FBXO2: variants seen among roughly 807,000 people sequenced by gnomAD.
FBXO2 encodes the protein F-box only protein 2.
Under a neutral mutation model 38.6 loss-of-function variants are expected in FBXO2, and 32 were observed. The observed-to-expected ratio is 0.83, with a 90% CI of 0.62 to 1.11. The LOEUF is 1.11. FBXO2 is among the 50% of genes most tolerant of loss of function. The probability of loss-of-function intolerance (pLI) is 0.00; values close to 1 mark genes in which losing one functional copy is unlikely to be tolerated. For missense variants in FBXO2, 450 were observed against 418.3 expected, an observed-to-expected ratio of 1.08 and a Z score of -0.66; for synonymous variants, 189 against 182.9, an observed-to-expected ratio of 1.03 and a Z score of -0.27.
chr1:11,650,468 TC>T lies in FBXO2; in HGVS notation c.388del (p.Glu130LysfsTer74). ...RRNLLRNPCG[E>X]EDLEGWCDVE... ...CTCGCCCAGCGAGGGCCTCTCACCT[TC>T]CCCACACGGGTTACGCAGAAGGTTG... is the stretch of plus-strand genomic sequence containing the variant. On this transcript the variant is annotated frameshift_variant, in exon 2 of 6. Coordinates refer to ENST00000354287, the MANE Select transcript of FBXO2 (RefSeq NM_012168.6). LOFTEE classifies it high-confidence loss of function. 6.2e-7 allele frequency: 1 copy of T among 1,608,772 alleles called. No individual in the cohort carries two copies.
chr1:11,651,668 A>G (rs1639521930), intron 1 of FBXO2, among the ~76,000 whole-genome samples: 1 of 151,498 alleles, frequency 6.6e-6, no homozygotes, highest in South Asian at 2.1e-4. Flanking sequence ...TCCACAGAAT[A>G]ATTCACTGAA....
At chr1:11,650,909 C>T (rs1169696792) in intron 1 of FBXO2, 75 bp from the exon 2 acceptor site, 2 of 1,500,160 alleles carry the variant, frequency 1.3e-6, no homozygotes, top group Non-Finnish European at 1.8e-6. Flanking sequence ...TGCAATGTGC[C>T]CGTAACCTCC....
At chr1:11,654,297 G>C in intron 1 of FBXO2, 22 bp downstream of exon 1, 1 of 1,490,196 alleles carries the variant, frequency 6.7e-7, no homozygotes, top group South Asian at 1.3e-5. Context: ...CCGCCGCAGC[G>C]AGCGGTCCAG....
rs1205995153 is a variant in FBXO2 at position 11,650,150 on chromosome 1, G to T, written c.392-76C>A. ...GGCTCTTGCCACTATGTGGTGGGGG[G>T]CAGGGCAAAGGTCGCACTTGGTGTC... On this transcript the variant is annotated intron_variant, in intron 2 of 5. Coordinates refer to ENST00000354287, the MANE Select transcript of FBXO2 (RefSeq NM_012168.6). 3 of 1,584,954 alleles carry T rather than the reference G, an allele frequency of 1.9e-6. No individual in the cohort carries two copies. The Admixed American group carries it at 5.2e-5, about 27-fold the overall frequency.
chr1:11,648,455 A>C lies in FBXO2; in HGVS notation c.*239T>G, dbSNP rs1639452680. The C allele has an allele frequency of 1.8e-6, 1 of 566,414 alleles. No individual in the cohort carries two copies. The highest frequency in any genetic ancestry group is 3.0e-5 in the Admixed American group (1 of 33,028). 35.1% of individuals were successfully genotyped at this position (566,414 alleles called of 1,614,324 possible). On this transcript the variant is annotated 3_prime_UTR_variant, in exon 6 of 6. Coordinates refer to ENST00000354287, the MANE Select transcript of FBXO2 (RefSeq NM_012168.6). The surrounding 1 kb of genome is among the most constrained non-coding windows in gnomAD (Gnocchi z 4.2). ...AGCACTGTGCTAGGTGCAGGGAATCAGCAGTGGGTCCAGTCCAAGCTCACG... is the reference window on the plus strand; with the variant it reads ...AGCACTGTGCTAGGTGCAGGGAATCCGCAGTGGGTCCAGTCCAAGCTCACG...
chr1:11,648,786 C>G lies in FBXO2; in HGVS notation c.799G>C (p.Val267Leu), dbSNP rs1191924604. 2 of 1,613,636 alleles carry G rather than the reference C, an allele frequency of 1.2e-6. No homozygotes were observed. Among genetic ancestry groups the G allele is most frequent in the African/African-American group, 1.3e-5 (1 of 74,942 alleles). ...FTDYGPGVRF[V>L]RFEHGGQDSV... ...TCCTGCCCCCCGTGCTCGAAGCGGACGAAGCGGACGCCCGGCCCGTAGTCG... is the reference window on the plus strand; with the variant it reads ...TCCTGCCCCCCGTGCTCGAAGCGGAGGAAGCGGACGCCCGGCCCGTAGTCG... Residue 267 changes from valine to leucine, a missense_variant, in exon 6 of 6, where the codon GTC becomes CTC. By Grantham distance (32) the Val-to-Leu change is conservative. Coordinates refer to ENST00000354287, the MANE Select transcript of FBXO2 (RefSeq NM_012168.6). This position sits in a 1 kb window ranked among gnomAD's most constrained non-coding sequence, Gnocchi z 4.2.
rs768701836 is a variant in FBXO2, at chr1:11,648,841, G to T, written c.757-13C>A. On this transcript the variant is annotated splice_polypyrimidine_tract_variant and intron_variant, in intron 5 of 5. Transcript: ENST00000354287. The surrounding 1 kb of genome is among the most constrained non-coding windows in gnomAD (Gnocchi z 4.2). ...AGGTGTGGGAGATCTGGGGGTGGAG[G>T]TAACAAGAGTCAGCCTCGGAGGTCC... 5 of 1,613,142 alleles carry T rather than the reference G, an allele frequency of 3.1e-6. No individual in the cohort carries two copies. The Admixed American group carries it at 6.7e-5, about 22-fold the overall frequency.
chr1:11,648,976 C>CCCAGT lies in FBXO2; in HGVS notation c.756+110_756+111insACTGG. On this transcript the variant is annotated intron_variant, in intron 5 of 5. Coordinates refer to ENST00000354287, the MANE Select transcript of FBXO2 (RefSeq NM_012168.6). This position sits in a 1 kb window ranked among gnomAD's most constrained non-coding sequence, Gnocchi z 4.2. ...CTCCACCACCCGGTGACTATCTCAG[C>CCCAGT]CCAGCCCAGCCCAGCCCACCCCAGC... 2 of 1,299,408 alleles carry CCCAGT rather than the reference C, an allele frequency of 1.5e-6. No homozygotes were observed. Among genetic ancestry groups the CCCAGT allele is most frequent in the Non-Finnish European group, 2.1e-6 (2 of 939,624 alleles). 80.5% of individuals were successfully genotyped at this position (1,299,408 alleles called of 1,614,324 possible).
intron 1 of FBXO2, among the ~76,000 whole-genome samples, chr1:11,651,348 G>A (rs74054205): frequency 0.12 from 18,439 of 152,156 alleles, 1,323 homozygotes; most frequent in Admixed American, 0.21. Context: ...CCAGAACATG[G>A]TCTGGAAAAC....
Position 11,649,132 on chromosome 1 carries a change from C to G in FBXO2, c.711G>C (p.Gly237=). Residue 237 remains glycine (G), a synonymous_variant, in exon 5 of 6, where the codon GGG becomes GGC. Transcript: ENST00000354287. ...CACTGTCTTGGGGCACTGCCACCTGCCCGCTGCTGAACTCAGCCAGCACGT... is the reference window on the plus strand; with the variant it reads ...CACTGTCTTGGGGCACTGCCACCTGGCCGCTGCTGAACTCAGCCAGCACGT... ...HENVLAEFSS[G]QVAVPQDSDG... is the part of the protein sequence containing the mutation. 6.3e-7 allele frequency: 1 copy of G among 1,596,826 alleles called. No homozygotes were observed. Among genetic ancestry groups the G allele is most frequent in the Middle Eastern group, 1.7e-4 (1 of 6,014 alleles).
intron 2 of FBXO2, 145 bp downstream of exon 2, chr1:11,650,321 G>T: frequency 7.0e-7 from 1 of 1,419,326 alleles, no homozygotes; most frequent in Non-Finnish European, 9.3e-7. Context: ...TGGCCAGAGA[G>T]CTACAGTAAT....
chr1:11,649,435 G>C, intron 4 of FBXO2: 1 of 605,272 alleles, frequency 1.7e-6, no homozygotes, highest in Non-Finnish European at 2.9e-6. Context: ...AGCGAAACAC[G>C]AGGACTACAT....
intron 4 of FBXO2, 111 bp from the exon 5 acceptor site, chr1:11,649,336 C>T (rs1056446750): frequency 6.7e-6 from 6 of 890,992 alleles, no homozygotes; most frequent in South Asian, 1.7e-5. Context: ...TCCTCCTGTG[C>T]GCCCAACATC....
Position 11,650,637 on chromosome 1 carries a change from C to T in FBXO2, c.220G>A (p.Val74Met), listed in dbSNP as rs1186787770. The T allele has an allele frequency of 2.5e-6, 4 of 1,578,926 alleles. No homozygotes were observed. The highest frequency in any genetic ancestry group is 1.1e-5 in the South Asian group (1 of 87,848). ...ACCAGCTCCTTCCAGCGCAGGCACA[C>T]CAGGCGGCAGGCCTGCACCAGCTCG... ...AAELVQACRL[V>M]CLRWKELVDG... The change falls in exon 2 of 6, where the codon GTG (valine) becomes ATG (methionine). Residue 74 changes from valine (V) to methionine (M), a missense_variant. By Grantham distance (21) the Val-to-Met change is conservative (BLOSUM62 1). Transcript: ENST00000354287.
chr1:11,649,747 C>T (rs1187109821), intron 4 of FBXO2, 32 bp downstream of exon 4: 4 of 1,609,852 alleles, frequency 2.5e-6, no homozygotes, highest in East Asian at 4.5e-5. Context: ...CCCCGCTCCT[C>T]CCAGCCCCAT....
intron 4 of FBXO2, chr1:11,649,502 G>A (rs999326841): frequency 1.7e-6 from 1 of 588,626 alleles, no homozygotes; most frequent in Admixed American, 3.0e-5. Context: ...GTGGCCTTTG[G>A]TTTGGACCGC....
At chr1:11,650,281 G>A (rs956397653) in intron 2 of FBXO2, among the ~76,000 whole-genome samples, 185 bp downstream of exon 2, 3 of 152,198 alleles carry the variant, frequency 2.0e-5, no homozygotes, top group Non-Finnish European at 4.4e-5. Flanking sequence ...GGCTGAGGGT[G>A]GGAGGACCCG....
In FBXO2 at chr1:11,648,988, C is replaced by T; in HGVS notation, c.756+99G>A. 7.0e-7 allele frequency: 1 copy of T among 1,424,098 alleles called. No homozygotes were observed. The highest frequency in any genetic ancestry group is 9.5e-7 in the Non-Finnish European group (1 of 1,048,428). The allele number at this position is 1,424,098 out of a possible 1,614,324, so 88.2% of individuals were successfully genotyped here. A position where few individuals can be genotyped will look rare whatever the true frequency, so the allele number is the denominator to read the frequency against. ...GTGACTATCTCAGCCCAGCCCAGCC[C>T]AGCCCACCCCAGCCCAGGAGCGCTG... On this transcript the variant is annotated intron_variant, in intron 5 of 5. Coordinates refer to ENST00000354287, the MANE Select transcript of FBXO2 (RefSeq NM_012168.6). This position sits in a 1 kb window ranked among gnomAD's most constrained non-coding sequence, Gnocchi z 4.2.
At position 11,650,702 on chromosome 1, in the gene FBXO2, T is replaced by C; in HGVS notation, c.155A>G (p.Glu52Gly). Residue 52 changes from glutamate to glycine, a missense_variant, in exon 2 of 6, where the codon GAG becomes GGG. By Grantham distance (98) the Glu-to-Gly change is moderately conservative (BLOSUM62 -2). Coordinates refer to ENST00000354287, the MANE Select transcript of FBXO2 (RefSeq NM_012168.6). ...AAAAYLDELP[E>G]PLLLRVLAAL... ...GGCCAGCACGCGCAGCAGCAGCGGC[T>C]CGGGCAGCTCGTCCAGGTACGCGGC... 6.5e-7 allele frequency: 1 copy of C among 1,531,062 alleles called. No homozygotes were observed. Among genetic ancestry groups the C allele is most frequent in the Non-Finnish European group, 8.7e-7 (1 of 1,144,968 alleles). The allele number at this position is 1,531,062 out of a possible 1,614,324, so 94.8% of individuals were successfully genotyped here. A position where few individuals can be genotyped will look rare whatever the true frequency, so the allele number is the denominator to read the frequency against.
Sources: gnomAD v4.1 joint callset for allele counts (sites outside exome capture counted in the v4.1 genomes callset) on GRCh38, gnomAD v4.1.1 for gene constraint, Gnocchi (gnomAD v3.1) non-coding constraint, MANE v1.5 for transcripts, NCBI Gene and HGNC (gene_info 2026-07-23, HGNC 2026-07-21) for gene names.